The following GLS variants were observed in gnomAD, a reference collection of about 807,000 sequenced individuals.
GLS encodes glutaminase kidney isoform, mitochondrial.
In GLS, 36 loss-of-function variants were observed where a neutral mutation model predicts 86.7. The ratio of observed to expected loss-of-function variants is 0.42; its 90% CI spans 0.32 to 0.55. The LOEUF is 0.55. Among genes scored for constraint, GLS ranks in the 20% least tolerant of loss-of-function variants. GLS has a pLI of 0.17. For missense variants in GLS, 528 were observed against 833.4 expected (o/e 0.63, Z 4.51); for synonymous variants, 317 against 305.9 (o/e 1.04, Z -0.38).
At chr2:190,902,513 G>A (rs1027830173) in intron 5 of GLS, among the ~76,000 whole-genome samples, 3 of 152,152 alleles carry the variant, frequency 2.0e-5, no homozygotes, top group African/African-American at 7.2e-5. Context: ...TGAAGTCCAT[G>A]AAAGCAGCAT....
rs1690821602 is a variant in GLS, at chr2:190,954,925, TATG to T, written c.1853+110_1853+112del. 2 of 728,888 alleles carry T rather than the reference TATG, an allele frequency of 2.7e-6. No individual in the cohort carries two copies. Among genetic ancestry groups the T allele is most frequent in the Non-Finnish European group, 4.6e-6 (2 of 438,536 alleles). The allele number at this position is 728,888 out of a possible 1,614,324, so 45.2% of individuals were successfully genotyped here. A position where few individuals can be genotyped will look rare whatever the true frequency, so the allele number is the denominator to read the frequency against. ...CCTACTAAGACATTCTTGAACCTGCTATGATATCTTATAAAGGCAATAAACCTT... is the reference window on the plus strand; with the variant it reads ...CCTACTAAGACATTCTTGAACCTGCTATATCTTATAAAGGCAATAAACCTT... On this transcript the variant is annotated intron_variant, in intron 17 of 17. Transcript: ENST00000320717. This position sits in a 1 kb window ranked among gnomAD's most constrained non-coding sequence, Gnocchi z 4.0.
At chr2:190,950,049 AAG>A (rs925577951) in intron 14 of GLS, among the ~76,000 whole-genome samples, 6 of 151,784 alleles carry the variant, frequency 4.0e-5, no homozygotes, top group Admixed American at 6.6e-5. Context: ...GAGTGATGAA[AAG>A]AGGGGAGTGT....
Position 190,963,536 on chromosome 2 carries a change from G to GAT in GLS, c.*552_*553dup, listed in dbSNP as rs1691052494. 6.5e-6 allele frequency: 1 copy of GAT among 152,768 alleles called. No homozygotes were observed. Among genetic ancestry groups the GAT allele is most frequent in the African/African-American group, 2.4e-5 (1 of 41,442 alleles). 9.5% of individuals were successfully genotyped at this position (152,768 alleles called of 1,614,324 possible). A position where few individuals can be genotyped will look rare whatever the true frequency, so the allele number is the denominator to read the frequency against. On this transcript the variant is annotated 3_prime_UTR_variant, in exon 18 of 18. Coordinates refer to ENST00000320717, the MANE Select transcript of GLS (RefSeq NM_014905.5). ...TATAATAGTTAACAACTGTTAGTAA[G>GAT]ATAGACCAATTCTGATTAGACTTTA...
intron 14 of GLS, among the ~76,000 whole-genome samples, chr2:190,942,280 C>G (rs1252724654): frequency 6.6e-6 from 1 of 151,788 alleles, no homozygotes; most frequent in East Asian, 1.9e-4. Context: ...CGGGGTTTCA[C>G]CATGTTAGCC....
Position 190,954,445 on chromosome 2 carries a change from A to G in GLS, c.1713-139A>G, listed in dbSNP as rs1467348569. ...CCAAAACACCTGTGTACTGGTTAAT[A>G]AGGTCGGTAGTTCCCATTAATGAGC... is the stretch of plus-strand genomic sequence containing the variant. On this transcript the variant is annotated intron_variant, in intron 15 of 17. Transcript: ENST00000320717. This position sits in a 1 kb window ranked among gnomAD's most constrained non-coding sequence, Gnocchi z 4.0. The G allele has an allele frequency of 1.6e-6, 1 of 626,020 alleles. No homozygotes were observed. Among genetic ancestry groups the G allele is most frequent in the Non-Finnish European group, 2.9e-6 (1 of 349,010 alleles). The allele number at this position is 626,020 out of a possible 1,614,324, so 38.8% of individuals were successfully genotyped here.
Position 190,901,979 on chromosome 2 carries a change from C to T in GLS, c.768C>T (p.Phe256=). 6.2e-7 allele frequency: 1 copy of T among 1,611,802 alleles called. No homozygotes were observed. The highest frequency in any genetic ancestry group is 8.5e-7 in the Non-Finnish European group (1 of 1,178,008). Residue 256 remains phenylalanine, a synonymous_variant, in exon 5 of 18, where the codon TTC becomes TTT. Transcript: ENST00000320717. ...ATTATATTCCTCAACTGGCCAAATT[C>T]AGTCCCGATTTGTGGGGTGTGTCTG... ...VADYIPQLAK[F]SPDLWGVSVC...
Position 190,924,393 on chromosome 2 carries a change from T to G in GLS, c.1198-150T>G. The stretch of plus-strand genomic sequence containing the variant: ...CATGATGTGATAAAATTTTGCTTTT[T>G]TATTTCATGTTTATACTCTTTTAGA... On this transcript the variant is annotated intron_variant, in intron 10 of 17. Coordinates refer to ENST00000320717, the MANE Select transcript of GLS (RefSeq NM_014905.5). This position sits in a 1 kb window ranked among gnomAD's most constrained non-coding sequence, Gnocchi z 5.2. 1 of 644,466 alleles carries G rather than the reference T, an allele frequency of 1.6e-6. No homozygotes were observed. The highest frequency in any genetic ancestry group is 2.8e-6 in the Non-Finnish European group (1 of 363,340). 39.9% of individuals were successfully genotyped at this position (644,466 alleles called of 1,614,324 possible).
At chr2:190,909,535 A>G (rs1171126669) in intron 6 of GLS, among the ~76,000 whole-genome samples, 2 of 152,128 alleles carry the variant, frequency 1.3e-5, no homozygotes, top group African/African-American at 4.8e-5. Flanking sequence ...TCGCTTGTAA[A>G]TAGATGTTTT....
At position 190,963,185 on chromosome 2, in the gene GLS, A is replaced by T; in HGVS notation, c.*199A>T. 1 of 449,930 alleles carries T rather than the reference A, an allele frequency of 2.2e-6. No individual in the cohort carries two copies. Among genetic ancestry groups the T allele is most frequent in the Non-Finnish European group, 3.9e-6 (1 of 253,218 alleles). The allele number at this position is 449,930 out of a possible 1,614,324, so 27.9% of individuals were successfully genotyped here. A position where few individuals can be genotyped will look rare whatever the true frequency, so the allele number is the denominator to read the frequency against. ...TAGAAATAAAACAATCTCCCTCCAT[A>T]ATGTGAGCAATATTACCTCGTGCAT... On this transcript the variant is annotated 3_prime_UTR_variant, in exon 18 of 18. Transcript: ENST00000320717.
chr2:190,881,704 G>T (rs1246228163), intron 1 of GLS: 3 of 462,864 alleles, frequency 6.5e-6, no homozygotes, highest in East Asian at 4.0e-5. Context: ...CCCGGCGGGG[G>T]TCGCCCTGGT....
chr2:190,960,540 T>TTTATTTA (rs1418954016), intron 17 of GLS, among the ~76,000 whole-genome samples: 1 of 24,570 alleles, frequency 4.1e-5, no homozygotes, highest in Admixed American at 5.9e-4. Context: ...AATTTATTTA[T>TTTATTTA]TTATTTTTTA....
At position 190,953,056 on chromosome 2, in the gene GLS, A is replaced by T. The variant is rs1037819387; in HGVS notation, c.1651-509A>T. 6.6e-6 allele frequency among the ~76,000 whole-genome samples: 1 copy of T among 152,242 alleles called. No homozygotes were observed. Among genetic ancestry groups the T allele is most frequent in the African/African-American group, 2.4e-5 (1 of 41,460 alleles). On this transcript the variant is annotated intron_variant, in intron 14 of 17. Transcript: ENST00000320717. The surrounding 1 kb of genome is among the most constrained non-coding windows in gnomAD (Gnocchi z 4.0). ...GCATTGAACTGAAGGCTGTCTTTCC[A>T]GTGAAGTAAAGTTTAAGATGACAGT...
chr2:190,889,558 T>G (rs542848167), intron 1 of GLS, among the ~76,000 whole-genome samples: 74 of 152,332 alleles, frequency 4.9e-4, no homozygotes, highest in African/African-American at 1.7e-3. Flanking sequence ...GTGACAGAAT[T>G]CATATAGTAT....
intron 17 of GLS, among the ~76,000 whole-genome samples, chr2:190,958,833 A>G (rs1388809998): frequency 6.6e-6 from 1 of 152,114 alleles, no homozygotes; most frequent in Non-Finnish European, 1.5e-5. Context: ...TTTTACTTCC[A>G]ATTATGTGGT....
At chr2:190,899,125 T>C (rs1244355178) in intron 3 of GLS, among the ~76,000 whole-genome samples, 1 of 152,228 alleles carries the variant, frequency 6.6e-6, no homozygotes. Flanking sequence ...AGGTGTTCTT[T>C]GATGTACATC....
chr2:190,892,818 G>A (rs1688608371), intron 1 of GLS, among the ~76,000 whole-genome samples: 2 of 152,138 alleles, frequency 1.3e-5, no homozygotes, highest in South Asian at 4.1e-4. Flanking sequence ...TTTAGGGCTG[G>A]CTTAAATTCT....
intron 14 of GLS, chr2:190,934,479 A>T (rs1197664134): frequency 5.1e-6 from 5 of 977,508 alleles, no homozygotes; most frequent in Non-Finnish European, 6.1e-6. Flanking sequence ...GAATGTTCAG[A>T]TGCATATCCT....
chr2:190,932,180 A>T (rs527470266), intron 14 of GLS, among the ~76,000 whole-genome samples: 1 of 151,970 alleles, frequency 6.6e-6, no homozygotes, highest in Non-Finnish European at 1.5e-5. Context: ...TTAATGCAAT[A>T]TTCCTAATAA....
intron 14 of GLS, among the ~76,000 whole-genome samples, chr2:190,932,492 A>G (rs1243241483): frequency 2.0e-5 from 3 of 151,938 alleles, no homozygotes; most frequent in African/African-American, 7.2e-5. Flanking sequence ...AATTTTTGTT[A>G]GTTTTTATCA....
Sources: gnomAD v4.1 joint callset for allele counts (sites outside exome capture counted in the v4.1 genomes callset) on GRCh38, gnomAD v4.1.1 for gene constraint, Gnocchi (gnomAD v3.1) non-coding constraint, MANE v1.5 for transcripts, NCBI Gene and HGNC (gene_info 2026-07-23, HGNC 2026-07-21) for gene names.